The following CAMKK2 variants were observed in gnomAD, a reference collection of about 807,000 sequenced individuals.
CAMKK2 encodes the protein calcium/calmodulin dependent protein kinase kinase 2.
CAMKK2 carries 30 observed loss-of-function variants against 67.2 expected under a neutral mutation model. That is an observed-to-expected ratio of 0.45 (90% CI 0.33 to 0.61). The LOEUF is 0.61. Among genes scored for constraint, CAMKK2 ranks in the 20% least tolerant of loss-of-function variants. The pLI, the probability that CAMKK2 is intolerant of heterozygous loss-of-function variation, is 0.02. For missense variants in CAMKK2, 643 were observed against 802.0 expected (o/e 0.80, Z 2.39); for synonymous variants, 322 against 326.2 (o/e 0.99, Z 0.14).
At position 121,240,113 on chromosome 12, in the gene CAMKK2, C is replaced by T. The variant is rs1171738601; in HGVS notation, c.*586G>A. 1 of 288,980 alleles carries T rather than the reference C, an allele frequency of 3.5e-6. No individual in the cohort carries two copies. Among genetic ancestry groups the T allele is most frequent in the African/African-American group, 2.2e-5 (1 of 45,548 alleles). 17.9% of individuals were successfully genotyped at this position (288,980 alleles called of 1,614,324 possible). On this transcript the variant is annotated 3_prime_UTR_variant, in exon 17 of 17. Transcript: ENST00000404169. The surrounding 1 kb of genome is among the most constrained non-coding windows in gnomAD (Gnocchi z 4.4). ...TTCTGTTTTCCTGACTACAATTCTACCCATAAAAAATTTAAAAATCCTTCT... is the reference window on the plus strand; with the variant it reads ...TTCTGTTTTCCTGACTACAATTCTATCCATAAAAAATTTAAAAATCCTTCT...
At chr12:121,277,780 A>G (rs998673270) in intron 1 of CAMKK2, among the ~76,000 whole-genome samples, 1 of 152,178 alleles carries the variant, frequency 6.6e-6, no homozygotes, top group Non-Finnish European at 1.5e-5. Flanking sequence ...AAGCCCGGCC[A>G]ATATGGTGAA....
At chr12:121,283,814 CTAAATAAATAAA>C (rs111580860) in intron 1 of CAMKK2, among the ~76,000 whole-genome samples, 1 of 151,474 alleles carries the variant, frequency 6.6e-6, no homozygotes, top group Admixed American at 6.6e-5. Context: ...GATCCTTTCG[CTAAATAAATAAA>C]TAAATAAATA....
chr12:121,281,163 T>G (rs927099931), intron 1 of CAMKK2, among the ~76,000 whole-genome samples: 2 of 152,192 alleles, frequency 1.3e-5, no homozygotes, highest in African/African-American at 4.8e-5. Context: ...CTTAGGAAAA[T>G]AGAAAAGAAC....
At chr12:121,252,796 C>A in intron 10 of CAMKK2, 82 bp from the exon 11 acceptor site, 4 of 1,400,468 alleles carry the variant, frequency 2.9e-6, no homozygotes, top group Non-Finnish European at 4.0e-6. Flanking sequence ...GGAACCACCT[C>A]TTGACTTTCA....
intron 16 of CAMKK2, among the ~76,000 whole-genome samples, chr12:121,242,054 G>A (rs1344974863): frequency 4.6e-5 from 7 of 152,166 alleles, no homozygotes; most frequent in African/African-American, 9.7e-5. Flanking sequence ...AACGAAGGCC[G>A]GGCACAGTGG....
At chr12:121,287,107 T>A (rs916949104) in intron 1 of CAMKK2, among the ~76,000 whole-genome samples, 1 of 152,076 alleles carries the variant, frequency 6.6e-6, no homozygotes, top group Non-Finnish European at 1.5e-5. Context: ...GGTTTTGCCA[T>A]GTTGCCCAGG....
At position 121,274,357 on chromosome 12, in the gene CAMKK2, TCG is replaced by T. The variant is rs1896396292; in HGVS notation, c.168_169del (p.Glu57ValfsTer2). On this transcript the variant is annotated frameshift_variant, in exon 2 of 17. Coordinates refer to ENST00000404169, the MANE Select transcript of CAMKK2 (RefSeq NM_001270485.2). LOFTEE classifies it high-confidence loss of function. ...GTCCACAGCACAGCCCGGCTCACAC[TCG>T]GTGACCACAATGAAGGACTCCATGC... The T allele has an allele frequency of 1.2e-6, 2 of 1,613,298 alleles. No homozygotes were observed. Among genetic ancestry groups the T allele is most frequent in the Non-Finnish European group, 1.7e-6 (2 of 1,179,884 alleles).
chr12:121,260,396 G>A (rs749839350), intron 6 of CAMKK2, 41 bp from the exon 7 acceptor site: 14 of 1,596,326 alleles, frequency 8.8e-6, no homozygotes, highest in Non-Finnish European at 1.2e-5. Context: ...ACGGATGGCG[G>A]GGGAGAAAAA....
At chr12:121,247,852 G>A (rs1283622292) in intron 14 of CAMKK2, among the ~76,000 whole-genome samples, 5 of 152,146 alleles carry the variant, frequency 3.3e-5, no homozygotes, top group Admixed American at 6.5e-5. Flanking sequence ...CCAGGGGCCC[G>A]CCGGCCCACT....
Position 121,285,458 on chromosome 12 carries a change from G to A in CAMKK2, c.-59-10873C>T, listed in dbSNP as rs150450828. Among the ~76,000 whole-genome samples the A allele has an allele frequency of 6.6e-6, 1 of 152,154 alleles. No homozygotes were observed. Among genetic ancestry groups the A allele is most frequent in the Non-Finnish European group, 1.5e-5 (1 of 68,008 alleles). Reference sequence around the variant, plus strand: ...GGGGAGGTTGCAGTGAGCCAAGATTGCACCACTGCACTCCAGCCTGGGCAA... The same window carrying A: ...GGGGAGGTTGCAGTGAGCCAAGATTACACCACTGCACTCCAGCCTGGGCAA... On this transcript the variant is annotated intron_variant, in intron 1 of 16. Transcript: ENST00000404169. The surrounding 1 kb of genome is among the most constrained non-coding windows in gnomAD (Gnocchi z 4.1).
chr12:121,271,002 A>G, intron 2 of CAMKK2, 57 bp from the exon 3 acceptor site: 1 of 1,443,298 alleles, frequency 6.9e-7, no homozygotes, highest in East Asian at 2.3e-5. Context: ...ACTAGAGGCC[A>G]GGCACGGTGG....
chr12:121,290,616 G>A (rs1899793527), intron 1 of CAMKK2, among the ~76,000 whole-genome samples: 1 of 152,140 alleles, frequency 6.6e-6, no homozygotes, highest in Non-Finnish European at 1.5e-5. Flanking sequence ...CTTGAGCCTG[G>A]GAGGTTGAGG....
chr12:121,243,504 G>A (rs1888785146), intron 16 of CAMKK2: 1 of 152,354 alleles, frequency 6.6e-6, no homozygotes, highest in African/African-American at 2.4e-5. Context: ...CCATGAAAAG[G>A]AATGAAGCAC....
intron 5 of CAMKK2, among the ~76,000 whole-genome samples, chr12:121,266,850 G>A (rs1894650341): frequency 6.6e-6 from 1 of 151,856 alleles, no homozygotes. Flanking sequence ...CAGCAATGCT[G>A]GCAGGGAGCT....
rs1436377625 is a variant in CAMKK2 at position 121,238,917 on chromosome 12, A to G, written c.*1782T>C. ...GTCCTCTCCCCATAAACATAAAGCC[A>G]GGAGGGCAAGAGGAAGTGCTGGGTT... On this transcript the variant is annotated 3_prime_UTR_variant, in exon 17 of 17. Coordinates refer to ENST00000404169, the MANE Select transcript of CAMKK2 (RefSeq NM_001270485.2). 1 of 152,692 alleles carries G rather than the reference A, an allele frequency of 6.5e-6. No individual in the cohort carries two copies. The highest frequency in any genetic ancestry group is 2.4e-5 in the African/African-American group (1 of 41,470). 9.5% of individuals were successfully genotyped at this position (152,692 alleles called of 1,614,324 possible).
rs144335101 is a variant in CAMKK2, at chr12:121,255,604, A to G, written c.853T>C (p.Ser285Pro). The change falls in exon 9 of 17, where the codon TCT becomes CCT. Residue 285 changes from serine to proline, a missense_variant. Around this residue, in one of 3 missense-constraint regions of CAMKK2, gnomAD observed 483 missense variants for 625.8 expected, o/e 0.77. Coordinates refer to ENST00000404169, the MANE Select transcript of CAMKK2 (RefSeq NM_001270485.2). ...AAGTAGAAACGGGCCTGGTCTTCAG[A>G]GAGTGGTTTGAGGGTGGGCACTTCC... Reference protein sequence around the residue: ...VMEVPTLKPLSEDQARFYFQD... With the variant: ...VMEVPTLKPLPEDQARFYFQD... 2 of 1,612,990 alleles carry G rather than the reference A, an allele frequency of 1.2e-6. No individual in the cohort carries two copies. Among genetic ancestry groups the G allele is most frequent in the South Asian group, 2.2e-5 (2 of 90,916 alleles).
At chr12:121,286,918 C>T (rs116286343) in intron 1 of CAMKK2, among the ~76,000 whole-genome samples, 1,948 of 151,048 alleles carry the variant, frequency 0.013, 29 homozygotes, top group African/African-American at 0.042. Flanking sequence ...GGGGGCGGGG[C>T]GGTTGGGGAC....
intron 1 of CAMKK2, among the ~76,000 whole-genome samples, chr12:121,279,613 C>T (rs754116018): frequency 1.2e-4 from 18 of 152,196 alleles, no homozygotes; most frequent in Non-Finnish European, 2.5e-4. Context: ...GTGAAGCATT[C>T]GATTCCAGAG....
chr12:121,252,795 T>TCAGGAAAA, intron 10 of CAMKK2, 81 bp from the exon 11 acceptor site: 1 of 1,397,990 alleles, frequency 7.2e-7, no homozygotes, highest in Non-Finnish European at 1.0e-6. Context: ...GGGAACCACC[T>TCAGGAAAA]CTTGACTTTC....
Sources: gnomAD v4.1 joint callset for allele counts (sites outside exome capture counted in the v4.1 genomes callset) on GRCh38, gnomAD v4.1.1 for gene constraint, gnomAD v4.1.1 regional missense constraint, Gnocchi (gnomAD v3.1) non-coding constraint, MANE v1.5 for transcripts, NCBI Gene and HGNC (gene_info 2026-07-23, HGNC 2026-07-21) for gene names.